Variants in RBM48 observed in about 807,000 individuals in gnomAD.
RBM48 encodes RNA-binding protein 48.
RBM48 carries 32 observed loss-of-function variants against 34.8 expected under a neutral mutation model. The observed-to-expected ratio is 0.92, with a 90% CI of 0.69 to 1.23. The LOEUF (loss-of-function observed/expected upper bound fraction) is 1.23. Among genes scored for constraint, RBM48 ranks in the 50% most tolerant of loss-of-function variants. The probability of loss-of-function intolerance (pLI) is 0.00; values close to 1 mark genes in which losing one functional copy is unlikely to be tolerated. For missense variants in RBM48, 441 were observed against 447.2 expected, an observed-to-expected ratio of 0.99 and a Z score of 0.12; for synonymous variants, 151 against 156.2, an observed-to-expected ratio of 0.97 and a Z score of 0.25.
chr7:92,538,805 GAA>G lies in RBM48; in HGVS notation c.*1871_*1872del, dbSNP rs1052973026. Among the ~76,000 whole-genome samples the G allele has an allele frequency of 5.8e-4, 88 of 152,262 alleles. No individual in the cohort carries two copies. The highest frequency in any genetic ancestry group is 2.0e-3 in the African/African-American group (82 of 41,538). On this transcript the variant is annotated 3_prime_UTR_variant, in exon 5 of 5. Coordinates refer to ENST00000265732, the MANE Select transcript of RBM48 (RefSeq NM_032120.4). ...GCATAGAATTTCAGTTTTGGAAGAT[GAA>G]AAGAGTTCTAGAGATCTGTTGCATG...
intron 4 of RBM48, 143 bp downstream of exon 4, chr7:92,535,113 T>C: frequency 6.2e-6 from 9 of 1,459,798 alleles, no homozygotes; most frequent in Non-Finnish European, 8.1e-6. Flanking sequence ...TCTGTTGAAA[T>C]AACTGAATTT....
At chr7:92,529,785 T>A (rs1271242994) in intron 2 of RBM48, 119 bp downstream of exon 2, 1 of 604,514 alleles carries the variant, frequency 1.7e-6, no homozygotes, top group African/African-American at 1.9e-5. Context: ...ATCTAGCATA[T>A]CTTCCTCCAG....
In RBM48 at chr7:92,537,036, T is replaced by G; in HGVS notation, c.*99T>G. 1 of 808,804 alleles carries G rather than the reference T, an allele frequency of 1.2e-6. No individual in the cohort carries two copies. Among genetic ancestry groups the G allele is most frequent in the East Asian group, 2.8e-5 (1 of 35,178 alleles). 50.1% of individuals were successfully genotyped at this position (808,804 alleles called of 1,614,324 possible). ...CAAGAGATTTTACTGCTGGTATTTT[T>G]TAATGCACTCCTCTTTGTAATTTCA... On this transcript the variant is annotated 3_prime_UTR_variant, in exon 5 of 5. Coordinates refer to ENST00000265732, the MANE Select transcript of RBM48 (RefSeq NM_032120.4).
chr7:92,534,864 G>C lies in RBM48; in HGVS notation c.911G>C (p.Gly304Ala), dbSNP rs745632535. The change falls in exon 4 of 5, where the codon GGT (glycine) becomes GCT (alanine). Residue 304 changes from glycine (G) to alanine (A), a missense_variant. By Grantham distance (60) the Gly-to-Ala change is moderately conservative. Transcript: ENST00000265732. Reference sequence around the variant, plus strand: ...ACTTTTCTTCAAACAAACCCAACTGGTAATGAGATTATGATTGGACCTCTG... The same window carrying C: ...ACTTTTCTTCAAACAAACCCAACTGCTAATGAGATTATGATTGGACCTCTG... ...LGTFLQTNPT[G>A]NEIMIGPLLP... 20 of 1,614,010 alleles carry C rather than the reference G, an allele frequency of 1.2e-5. No homozygotes were observed. The highest frequency in any genetic ancestry group is 1.7e-5 in the Non-Finnish European group (20 of 1,180,030).
Position 92,539,055 on chromosome 7 carries a change from A to G in RBM48, c.*2118A>G, listed in dbSNP as rs1320727959. Among the ~76,000 whole-genome samples the G allele has an allele frequency of 6.6e-6, 1 of 152,168 alleles. No homozygotes were observed. The highest frequency in any genetic ancestry group is 1.5e-5 in the Non-Finnish European group (1 of 68,034). The stretch of plus-strand genomic sequence containing the variant: ...GTTTGGGTGGGGCCTGAGATTCTGC[A>G]TTTTTCCCAAGTCCCTAGGTGCTGC... On this transcript the variant is annotated 3_prime_UTR_variant, in exon 5 of 5. Coordinates refer to ENST00000265732, the MANE Select transcript of RBM48 (RefSeq NM_032120.4).
chr7:92,528,866 G>A lies in RBM48; in HGVS notation c.53G>A (p.Arg18Lys). 5.0e-6 allele frequency: 8 copies of A among 1,614,172 alleles called. No individual in the cohort carries two copies. Among genetic ancestry groups the A allele is most frequent in the Non-Finnish European group, 6.8e-6 (8 of 1,180,028 alleles). ...LGSLFDHHVQ[R>K]AVCDTRAKYR... ...AGTTTATTTGATCACCACGTCCAGAGGGCGGTATGCGACACACGGGCCAAA... is the reference window on the plus strand; with the variant it reads ...AGTTTATTTGATCACCACGTCCAGAAGGCGGTATGCGACACACGGGCCAAA... Residue 18 changes from arginine (R) to lysine (K), a missense_variant, in exon 1 of 5, where the codon AGG (arginine) becomes AAG (lysine). Arg to Lys is a conservative substitution (Grantham distance 26). Coordinates refer to ENST00000265732, the MANE Select transcript of RBM48 (RefSeq NM_032120.4).
chr7:92,534,615 C>T lies in RBM48; in HGVS notation c.662C>T (p.Ala221Val). 6.2e-7 allele frequency: 1 copy of T among 1,614,158 alleles called. No homozygotes were observed. The highest frequency in any genetic ancestry group is 8.5e-7 in the Non-Finnish European group (1 of 1,180,012). Reference sequence around the variant, plus strand: ...TCATCCGGGGGACCTGTAGACAGAGCACCAGACTCCTCTAAGGATGGTAGA... The same window carrying T: ...TCATCCGGGGGACCTGTAGACAGAGTACCAGACTCCTCTAAGGATGGTAGA... ...MCSSGGPVDR[A>V]PDSSKDGRNH... The change falls in exon 4 of 5, where the codon GCA becomes GTA. Residue 221 changes from alanine to valine, a missense_variant. Ala to Val is a moderately conservative substitution (Grantham distance 64, BLOSUM62 0). Coordinates refer to ENST00000265732, the MANE Select transcript of RBM48 (RefSeq NM_032120.4).
At position 92,535,898 on chromosome 7, in the gene RBM48, G is replaced by T. The variant is rs893649557; in HGVS notation, c.1017+928G>T. 1.5e-5 allele frequency: 12 copies of T among 788,442 alleles called. No homozygotes were observed. The African/African-American group carries it at 2.3e-4, about 15-fold the overall frequency. 48.8% of individuals were successfully genotyped at this position (788,442 alleles called of 1,614,324 possible). A position where few individuals can be genotyped will look rare whatever the true frequency, so the allele number is the denominator to read the frequency against. ...ACCAATAACTTCAGCACTTTGGGAG[G>T]CTGAGGTGAGCAGATTGCTTGAGCC... On this transcript the variant is annotated intron_variant, in intron 4 of 4. Transcript: ENST00000265732.
Position 92,536,830 on chromosome 7 carries a change from TTC to T in RBM48, c.1018-19_1018-18del, listed in dbSNP as rs1022378858. The T allele has an allele frequency of 2.6e-6, 4 of 1,562,726 alleles. No individual in the cohort carries two copies. Among genetic ancestry groups the T allele is most frequent in the Admixed American group, 2.1e-5 (1 of 47,550 alleles). ...TGCTATAGAAACTAAGTTTTAATGG[TTC>T]TTTTTTTTTTTTAATTAGGTAATTT... On this transcript the variant is annotated intron_variant, in intron 4 of 4. Coordinates refer to ENST00000265732, the MANE Select transcript of RBM48 (RefSeq NM_032120.4).
At chr7:92,529,179 C>T (rs1300273701) in intron 1 of RBM48, 2 of 576,222 alleles carry the variant, frequency 3.5e-6, no homozygotes, top group Non-Finnish European at 6.1e-6. Flanking sequence ...TACTACTTGG[C>T]ACAGGTAAGC....
At chr7:92,529,356 T>C in intron 1 of RBM48, 120 bp from the exon 2 acceptor site, 1 of 631,214 alleles carries the variant, frequency 1.6e-6, no homozygotes, top group South Asian at 2.2e-5. Context: ...TTGTGTTCTT[T>C]TGCTGACTGG....
rs1001035485 is a variant in RBM48 at position 92,540,156 on chromosome 7, A to G, written c.*3219A>G. The G allele has an allele frequency of 1.3e-5, 2 of 152,232 alleles. No homozygotes were observed. The highest frequency in any genetic ancestry group is 1.3e-4 in the Admixed American group (2 of 15,284). The allele number at this position is 152,232 out of a possible 1,614,324, so 9.4% of individuals were successfully genotyped here. A position where few individuals can be genotyped will look rare whatever the true frequency, so the allele number is the denominator to read the frequency against. On this transcript the variant is annotated 3_prime_UTR_variant, in exon 5 of 5. Coordinates refer to ENST00000265732, the MANE Select transcript of RBM48 (RefSeq NM_032120.4). ...GGCTGAACTCTCAATGATTGCCTTG[A>G]CTTCAGCAGTGGGCTGCAGCCCAAC... is the stretch of plus-strand genomic sequence containing the variant.
At position 92,538,309 on chromosome 7, in the gene RBM48, C is replaced by A. The variant is rs986947014; in HGVS notation, c.*1372C>A. The stretch of plus-strand genomic sequence containing the variant: ...GGTTGTGATAGACGGAGCAAGTGAT[C>A]TATAGGCAACACATGGTTAGAGTTG... On this transcript the variant is annotated 3_prime_UTR_variant, in exon 5 of 5. Coordinates refer to ENST00000265732, the MANE Select transcript of RBM48 (RefSeq NM_032120.4). Among the ~76,000 whole-genome samples the A allele has an allele frequency of 4.5e-4, 68 of 152,312 alleles. 1 individual carries two copies. The highest frequency in any genetic ancestry group is 3.3e-4 in the Admixed American group (5 of 15,298).
intron 4 of RBM48, chr7:92,535,191 C>T: frequency 7.1e-7 from 1 of 1,407,366 alleles, no homozygotes; most frequent in Non-Finnish European, 9.2e-7. Context: ...TTTTATATCA[C>T]TGTAGATACA....
Position 92,536,883 on chromosome 7 carries a change from CA to C in RBM48, c.1052del (p.Lys351SerfsTer11). The C allele has an allele frequency of 6.2e-7, 1 of 1,607,200 alleles. No individual in the cohort carries two copies. Among genetic ancestry groups the C allele is most frequent in the Non-Finnish European group, 8.5e-7 (1 of 1,177,534 alleles). On this transcript the variant is annotated frameshift_variant, in exon 5 of 5. Transcript: ENST00000265732. LOFTEE classifies it high-confidence loss of function. ...ISSVPKPPED[K>X]PEDVHTSHPL... ...CATCTGTGCCAAAGCCTCCAGAGGA[CA>C]AGCCAGAAGATGTACATACAAGTCA... is the stretch of plus-strand genomic sequence containing the variant.
At position 92,532,507 on chromosome 7, in the gene RBM48, C is replaced by T; in HGVS notation, c.406C>T (p.Gln136Ter). 3.7e-6 allele frequency: 6 copies of T among 1,613,010 alleles called. No individual in the cohort carries two copies. Among genetic ancestry groups the T allele is most frequent in the Non-Finnish European group, 5.1e-6 (6 of 1,179,262 alleles). Residue 136 changes from glutamine (Q) to a stop codon, truncating the protein, a stop_gained, in exon 3 of 5, where the codon CAA (glutamine) becomes TAA (stop). Coordinates refer to ENST00000265732, the MANE Select transcript of RBM48 (RefSeq NM_032120.4). LOFTEE classifies it high-confidence loss of function. ...ETVEETRKKL[Q>*]MRKAYVVKTT... is the part of the protein sequence containing the mutation. Reference sequence around the variant, plus strand: ...AGTTGAAGAAACTAGAAAAAAACTACAAATGCGGAAGGCATATGTAGTAAA... The same window carrying T: ...AGTTGAAGAAACTAGAAAAAAACTATAAATGCGGAAGGCATATGTAGTAAA...
At chr7:92,536,422 C>G in intron 4 of RBM48, 1 of 985,656 alleles carries the variant, frequency 1.0e-6, no homozygotes, top group Non-Finnish European at 1.2e-6. Context: ...TTTGCTTTTC[C>G]TTTTTCTCCA....
rs1003129252 is a variant in RBM48, at chr7:92,537,747, C to G, written c.*810C>G. The G allele has an allele frequency of 1.3e-5, 2 of 152,256 alleles. No homozygotes were observed. The highest frequency in any genetic ancestry group is 1.3e-4 in the Admixed American group (2 of 15,288). 9.4% of individuals were successfully genotyped at this position (152,256 alleles called of 1,614,324 possible). On this transcript the variant is annotated 3_prime_UTR_variant, in exon 5 of 5. Transcript: ENST00000265732. ...ATTTATAAATTCTAGACTTCTGTTA[C>G]TACTTCTGGCATATCCACACTTTTT...
intron 1 of RBM48, 103 bp downstream of exon 1, chr7:92,529,027 A>G: frequency 1.2e-6 from 1 of 847,844 alleles, no homozygotes; most frequent in Non-Finnish European, 2.0e-6. Flanking sequence ...GGCTTCCGTC[A>G]GATCTGTCTC....
Sources: allele counts gnomAD v4.1 joint callset (sites outside exome capture counted in the v4.1 genomes callset), GRCh38; gene constraint gnomAD v4.1.1; transcripts MANE v1.5; gene names NCBI Gene and HGNC (gene_info 2026-07-23, HGNC 2026-07-21).